FAM227B: variants seen among roughly 807,000 people sequenced by gnomAD.
The protein encoded by FAM227B is protein FAM227B.
Under a neutral mutation model 73.8 loss-of-function variants are expected in FAM227B, and 88 were observed. That is an observed-to-expected ratio of 1.19 (90% confidence interval 1.00 to 1.42). The LOEUF is 1.42. Among genes scored for constraint, FAM227B ranks in the 40% most tolerant of loss-of-function variants. FAM227B has a pLI of 0.00. For synonymous variants in FAM227B, 210 were observed against 190.5 expected (o/e 1.10, Z -0.84); for missense variants, 632 against 590.9 (o/e 1.07, Z -0.72).
At position 49,356,055 on chromosome 15, in the gene FAM227B, C is replaced by T. The variant is rs560137234; in HGVS notation, c.1271+11393G>A. ...AAGCAAATGCTGAGAGATTTTCTCA[C>T]CAACAGGCCTGCCTTACAAGAGCTC... is the stretch of plus-strand genomic sequence containing the variant. On this transcript the variant is annotated intron_variant, in intron 13 of 15. Transcript: ENST00000299338. Among the ~76,000 whole-genome samples, 137 of 150,138 alleles carry T rather than the reference C, an allele frequency of 9.1e-4. 5 individuals are homozygous for T. The South Asian group carries it at 0.028, about 31-fold the overall frequency.
chr15:49,357,458 T>G (rs1031232780), intron 13 of FAM227B, among the ~76,000 whole-genome samples: 3 of 151,626 alleles, frequency 2.0e-5, no homozygotes, highest in Admixed American at 2.0e-4. Context: ...TACAAACACC[T>G]CTATGCAAAT....
rs770920694 is a variant in FAM227B at position 49,327,908 on chromosome 15, A to G, written c.*660T>C. ...TACAAACACCAAGCAAATCCCTTGTATTTTCATTTATAGGTTCTAATATTT... is the reference window on the plus strand; with the variant it reads ...TACAAACACCAAGCAAATCCCTTGTGTTTTCATTTATAGGTTCTAATATTT... On this transcript the variant is annotated 3_prime_UTR_variant, in exon 16 of 16. Coordinates refer to ENST00000299338, the MANE Select transcript of FAM227B (RefSeq NM_152647.3). 3 of 1,565,540 alleles carry G rather than the reference A, an allele frequency of 1.9e-6. No homozygotes were observed. Among genetic ancestry groups the G allele is most frequent in the Non-Finnish European group, 2.6e-6 (3 of 1,149,390 alleles).
chr15:49,378,306 C>G lies in FAM227B; in HGVS notation c.1013-6907G>C, dbSNP rs528850797. 8.4e-4 allele frequency among the ~76,000 whole-genome samples: 125 copies of G among 149,178 alleles called. 3 individuals are homozygous for G. The South Asian group carries it at 0.026, about 31-fold the overall frequency. ...GATAGCTTTGGTTTTTCTTGGTGTT[C>G]TTTTAGGATTTTTTTTTTCTATTTC... On this transcript the variant is annotated intron_variant, in intron 11 of 15. Transcript: ENST00000299338.
intron 10 of FAM227B, 148 bp from the exon 11 acceptor site, chr15:49,508,496 G>C: frequency 1.7e-6 from 1 of 574,180 alleles, no homozygotes; most frequent in East Asian, 3.2e-5. Context: ...CGTAGGATTA[G>C]ATAAGTCATC....
intron 9 of FAM227B, among the ~76,000 whole-genome samples, chr15:49,563,166 T>A (rs915226207): frequency 5.3e-5 from 8 of 152,104 alleles, no homozygotes; most frequent in African/African-American, 1.9e-4. Context: ...ACAAAACCAA[T>A]GTACAAAACT....
chr15:49,591,467 C>A (rs1275830519), intron 3 of FAM227B, among the ~76,000 whole-genome samples: 1 of 140,820 alleles, frequency 7.1e-6, no homozygotes, highest in Non-Finnish European at 1.5e-5. Context: ...TAAGCCACTG[C>A]ACCTGGCCCT....
At chr15:49,615,338 A>G (rs957950303) in intron 1 of FAM227B, 95 bp from the exon 2 acceptor site, 3 of 647,580 alleles carry the variant, frequency 4.6e-6, no homozygotes, top group Non-Finnish European at 8.4e-6. Flanking sequence ...ACTTTTACCA[A>G]GTCAGATAGT....
chr15:49,403,812 G>A (rs778659512), intron 11 of FAM227B, among the ~76,000 whole-genome samples: 4 of 151,948 alleles, frequency 2.6e-5, no homozygotes, highest in Non-Finnish European at 1.5e-5. Context: ...TTTGGGGTTG[G>A]TTTTCTCTTG....
chr15:49,450,027 G>A (rs375630289), intron 11 of FAM227B, among the ~76,000 whole-genome samples: 8 of 152,086 alleles, frequency 5.3e-5, no homozygotes, highest in South Asian at 2.1e-4. Flanking sequence ...GCATGAGCCC[G>A]TAAGGAATGG....
At chr15:49,583,597 T>C (rs1438641060) in intron 5 of FAM227B, among the ~76,000 whole-genome samples, 1 of 151,432 alleles carries the variant, frequency 6.6e-6, no homozygotes, top group African/African-American at 2.4e-5. Context: ...CTCCTCTGTC[T>C]ATGGAGTAGC....
intron 10 of FAM227B, among the ~76,000 whole-genome samples, chr15:49,539,162 A>T (rs887541208): frequency 6.6e-6 from 1 of 152,134 alleles, no homozygotes; most frequent in African/African-American, 2.4e-5. Flanking sequence ...CTTGGTGAGC[A>T]TGCAACAGCT....
Position 49,577,635 on chromosome 15 carries a change from ATTC to A in FAM227B, c.432_434del (p.Lys144del), listed in dbSNP as rs753242675. On this transcript the variant is annotated inframe_deletion, in exon 6 of 16. Transcript: ENST00000299338. ...GAACAGAAATTTTAAGTACCTCTATATTCTTCTCTGTCTCCATTTCATCTGAAA... is the reference window on the plus strand; with the variant it reads ...GAACAGAAATTTTAAGTACCTCTATATTCTCTGTCTCCATTTCATCTGAAA... 1 of 1,564,260 alleles carries A rather than the reference ATTC, an allele frequency of 6.4e-7. No homozygotes were observed. Among genetic ancestry groups the A allele is most frequent in the East Asian group, 2.3e-5 (1 of 44,396 alleles).
intron 11 of FAM227B, among the ~76,000 whole-genome samples, chr15:49,393,990 A>G (rs2047394652): frequency 6.6e-6 from 1 of 152,176 alleles, no homozygotes; most frequent in Admixed American, 6.5e-5. Context: ...AAACAGCATA[A>G]GAAACACTTG....
intron 11 of FAM227B, among the ~76,000 whole-genome samples, chr15:49,372,111 CATTTATAAATAAATGAAATAAAATTCAT>C (rs2045876284): frequency 1.1e-5 from 1 of 87,056 alleles, no homozygotes; most frequent in Admixed American, 1.1e-4. Flanking sequence ...AAATAAAATT[CATTTATAAATAAATGAAATAAAATTCAT>C]TTATAAATAA....
intron 13 of FAM227B, chr15:49,354,040 G>A (rs948866494): frequency 4.6e-5 from 7 of 152,154 alleles, no homozygotes; most frequent in African/African-American, 1.7e-4. Context: ...CACTTCTGGA[G>A]TCTCAGAGTT....
intron 11 of FAM227B, among the ~76,000 whole-genome samples, chr15:49,376,983 C>CT (rs1567178436): frequency 2.0e-5 from 3 of 151,770 alleles, no homozygotes; most frequent in Admixed American, 2.0e-4. Context: ...TTTCTAGCTA[C>CT]TTTTTTTTAT....
intron 11 of FAM227B, among the ~76,000 whole-genome samples, chr15:49,383,217 A>C (rs1482838348): frequency 6.6e-6 from 1 of 152,172 alleles, no homozygotes; most frequent in African/African-American, 2.4e-5. Flanking sequence ...ACACAGTAAA[A>C]CATTAATATA....
At chr15:49,487,855 A>C (rs2056533431) in intron 11 of FAM227B, 1 of 151,992 alleles carries the variant, frequency 6.6e-6, no homozygotes, top group African/African-American at 2.4e-5. Context: ...AAATTGATAC[A>C]TCAGAATGAC....
At position 49,615,191 on chromosome 15, in the gene FAM227B, A is replaced by T; in HGVS notation, c.-20T>A. On this transcript the variant is annotated 5_prime_UTR_variant, in exon 2 of 16. Coordinates refer to ENST00000299338, the MANE Select transcript of FAM227B (RefSeq NM_152647.3). Reference sequence around the variant, plus strand: ...TGCCATGGTACAGTAACTTTGCAGAAATGAAGAGAAATCAGCTGGGTCTTA... The same window carrying T: ...TGCCATGGTACAGTAACTTTGCAGATATGAAGAGAAATCAGCTGGGTCTTA... 6.2e-7 allele frequency: 1 copy of T among 1,613,238 alleles called. No individual in the cohort carries two copies. Among genetic ancestry groups the T allele is most frequent in the Non-Finnish European group, 8.5e-7 (1 of 1,179,194 alleles).
Sources: allele counts gnomAD v4.1 joint callset (sites outside exome capture counted in the v4.1 genomes callset), GRCh38; gene constraint gnomAD v4.1.1; transcripts MANE v1.5; gene names NCBI Gene and HGNC (gene_info 2026-07-23, HGNC 2026-07-21).